RFC3: variants seen among roughly 807,000 people sequenced by gnomAD.
RFC3 encodes A1 38 kDa subunit.
In RFC3, 41 loss-of-function variants were observed where a neutral mutation model predicts 45.1. That is an observed-to-expected ratio of 0.91 (90% CI 0.71 to 1.18). The LOEUF (loss-of-function observed/expected upper bound fraction) is 1.18. Ranked by LOEUF, RFC3 falls within the 50% of genes most tolerant of loss-of-function variation. The probability of loss-of-function intolerance (pLI) is 0.00; values close to 1 mark genes in which losing one functional copy is unlikely to be tolerated. For missense variants in RFC3, 423 were observed against 428.1 expected (o/e 0.99, Z 0.10); for synonymous variants, 149 against 144.0 (o/e 1.03, Z -0.25).
exon 9 of RFC3, chr13:33,966,406 C>A: frequency 2.2e-6 from 1 of 450,148 alleles, no homozygotes; most frequent in Non-Finnish European, 4.0e-6. Flanking sequence ...TCTCAGAGGA[C>A]AATAAATTTG....
At chr13:33,821,591 C>T (rs2082004553) in intron 2 of RFC3, among the ~76,000 whole-genome samples, 2 of 151,988 alleles carry the variant, frequency 1.3e-5, no homozygotes. Context: ...TTTCTGAGAG[C>T]AGTAGTGGGG....
chr13:33,967,847 C>T (rs2083095395), downstream of RFC3, among the ~76,000 whole-genome samples: 1 of 152,024 alleles, frequency 6.6e-6, no homozygotes, highest in Non-Finnish European at 1.5e-5. Flanking sequence ...TGACCACTAA[C>T]CTTATTTTAT....
At chr13:33,905,636 C>T (rs1015685854) in intron 8 of RFC3, among the ~76,000 whole-genome samples, 1 of 152,144 alleles carries the variant, frequency 6.6e-6, no homozygotes, top group South Asian at 2.1e-4. Context: ...AGTCAATGTT[C>T]ATGGTACAGA....
In RFC3 at chr13:33,830,031, C is replaced by G; in HGVS notation, c.573+14C>G. The G allele has an allele frequency of 6.2e-7, 1 of 1,607,916 alleles. No homozygotes were observed. Among genetic ancestry groups the G allele is most frequent in the Non-Finnish European group, 8.5e-7 (1 of 1,175,832 alleles). On this transcript the variant is annotated intron_variant, in intron 5 of 8. Transcript: ENST00000380071. ...AGCATTGAAGATGTAGGTCAAGTTA[C>G]ACTTTTCTGAAAAATAAATCAGTTC...
At chr13:33,921,394 G>T (rs1338304674) in intron 8 of RFC3, among the ~76,000 whole-genome samples, 3 of 152,132 alleles carry the variant, frequency 2.0e-5, no homozygotes, top group Non-Finnish European at 4.4e-5. Context: ...AACTTAGAGG[G>T]TTAGGGAGAG....
chr13:33,899,204 C>CAAAAAAAAAG (rs2082621868), intron 8 of RFC3, among the ~76,000 whole-genome samples: 1 of 51,968 alleles, frequency 1.9e-5, no homozygotes, highest in Non-Finnish European at 3.6e-5. Context: ...CACAATAAGA[C>CAAAAAAAAAG]AAAAAAAAAA....
downstream of RFC3, among the ~76,000 whole-genome samples, chr13:33,838,640 C>G (rs2082175456): frequency 6.6e-6 from 1 of 151,956 alleles, no homozygotes; most frequent in Non-Finnish European, 1.5e-5. Context: ...TTGTATTTCT[C>G]CTACTTGGGC....
rs1472077676 is a variant in RFC3, at chr13:33,914,098, AT to A, written c.880-51988del. Among the ~76,000 whole-genome samples, 10 of 152,126 alleles carry A rather than the reference AT, an allele frequency of 6.6e-5. 1 individual carries two copies. The highest frequency in any genetic ancestry group is 2.4e-4 in the African/African-American group (10 of 41,450). ...ATGATGATAAAAGTGTGTTGTCCTT[AT>A]GATAGTGATATTAAGGCGGTTCATG... On this transcript the variant is annotated intron_variant, in intron 8 of 8. Coordinates refer to the RFC3 transcript ENST00000434425.
chr13:33,948,865 T>C (rs1177362394), intron 8 of RFC3, among the ~76,000 whole-genome samples: 1 of 152,228 alleles, frequency 6.6e-6, no homozygotes, highest in African/African-American at 2.4e-5. Flanking sequence ...TGTACCCCCA[T>C]TGCATCTAGG....
chr13:33,818,307 C>T, intron 1 of RFC3, 42 bp downstream of exon 1: 1 of 1,571,374 alleles, frequency 6.4e-7, no homozygotes, highest in Non-Finnish European at 8.7e-7. Context: ...GGGGAGGCCC[C>T]CCGGCTCGGG....
At chr13:33,870,201 G>T (rs997258096) in intron 8 of RFC3, among the ~76,000 whole-genome samples, 1 of 152,234 alleles carries the variant, frequency 6.6e-6, no homozygotes, top group African/African-American at 2.4e-5. Context: ...CATGGAACTG[G>T]TGAAGGGCAA....
In RFC3 at chr13:33,880,072, T is replaced by G. The variant is rs1356874086; in HGVS notation, c.879+44855T>G. Among the ~76,000 whole-genome samples, 3 of 152,258 alleles carry G rather than the reference T, an allele frequency of 2.0e-5. No individual in the cohort carries two copies. In the East Asian group the frequency reaches 5.8e-4, roughly 29 times the overall value. ...ACAATCTTTCCCATTCAAGATCAGT[T>G]GATTAGCAAACTTGATTCCGTCTGC... On this transcript the variant is annotated intron_variant, in intron 8 of 8. Coordinates refer to the RFC3 transcript ENST00000434425.
At chr13:33,831,064 G>A (rs3135602) in intron 6 of RFC3, among the ~76,000 whole-genome samples, 192 bp from the exon 7 acceptor site, 2,085 of 152,248 alleles carry the variant, frequency 0.014, 28 homozygotes, top group Admixed American at 0.036. Flanking sequence ...TACGGTTCAC[G>A]CTCCTATCAG....
intron 8 of RFC3, among the ~76,000 whole-genome samples, chr13:33,885,036 G>T (rs1237190704): frequency 1.3e-5 from 2 of 152,156 alleles, no homozygotes; most frequent in East Asian, 3.9e-4. Flanking sequence ...AGGCACAGTG[G>T]GCTCCTGGAA....
intron 7 of RFC3, among the ~76,000 whole-genome samples, chr13:33,834,437 C>A (rs1162511939): frequency 6.8e-6 from 1 of 147,788 alleles, no homozygotes; most frequent in Admixed American, 6.8e-5. Flanking sequence ...ACATTTCCCT[C>A]CTCTTCCCCT....
At chr13:33,910,128 T>G (rs7983108) in intron 8 of RFC3, among the ~76,000 whole-genome samples, 3,556 of 152,222 alleles carry the variant, frequency 0.023, 118 homozygotes, top group African/African-American at 0.081. Flanking sequence ...TTAATTCACT[T>G]GTTTATTCAT....
intron 8 of RFC3, among the ~76,000 whole-genome samples, chr13:33,954,709 C>T (rs2083011344): frequency 6.6e-6 from 1 of 152,166 alleles, no homozygotes; most frequent in African/African-American, 2.4e-5. Flanking sequence ...GTTGTGTCCT[C>T]ACAAGGCAGA....
intron 8 of RFC3, among the ~76,000 whole-genome samples, chr13:33,906,896 A>G (rs1309758048): frequency 6.6e-6 from 1 of 151,992 alleles, no homozygotes; most frequent in African/African-American, 2.4e-5. Context: ...TGAAGTAATC[A>G]TGGTTCATTG....
At chr13:33,919,495 T>A (rs576280106) in intron 8 of RFC3, among the ~76,000 whole-genome samples, 113 of 152,288 alleles carry the variant, frequency 7.4e-4, no homozygotes, top group African/African-American at 2.7e-3. Flanking sequence ...GTTACACCAA[T>A]TATATTTGTA....
Sources: gnomAD v4.1 joint callset for allele counts (sites outside exome capture counted in the v4.1 genomes callset) on GRCh38, gnomAD v4.1.1 for gene constraint, MANE v1.5 for transcripts, NCBI Gene and HGNC (gene_info 2026-07-23, HGNC 2026-07-21) for gene names.